The following ST7L variants were observed in gnomAD, a reference collection of about 807,000 sequenced individuals.
ST7L encodes suppression of tumorigenicity 7 like.
ST7L carries 57 observed loss-of-function variants against 72.5 expected under a neutral mutation model. The observed-to-expected ratio is 0.79, with a 90% confidence interval of 0.64 to 0.98. The LOEUF (loss-of-function observed/expected upper bound fraction) is 0.98. ST7L is among the 50% of genes least tolerant of loss of function. The pLI is 0.00. For synonymous variants in ST7L, 221 were observed against 240.9 expected, an observed-to-expected ratio of 0.92 and a Z score of 0.77; for missense variants, 576 against 672.2, an observed-to-expected ratio of 0.86 and a Z score of 1.58.
downstream of ST7L, chr1:112,521,183 T>C (rs990371368): frequency 1.3e-5 from 2 of 152,530 alleles, no homozygotes; most frequent in African/African-American, 4.8e-5. Context: ...ACTGCCTCTT[T>C]TGCTTACTTG....
chr1:112,608,183 A>C (rs749176364), intron 3 of ST7L, among the ~76,000 whole-genome samples: 1 of 151,960 alleles, frequency 6.6e-6, no homozygotes, highest in Admixed American at 6.6e-5. Flanking sequence ...ACTGTGCCCA[A>C]CTGATTTTAT....
At chr1:112,520,077 T>C (rs1652782371), downstream of ST7L, among the ~76,000 whole-genome samples, 1 of 150,880 alleles carries the variant, frequency 6.6e-6, no homozygotes, top group Non-Finnish European at 1.5e-5. Flanking sequence ...TTGCTATGTT[T>C]CCCAGGCTGG....
chr1:112,556,966 C>CAAAAAAAAATAAAAAAAACAA (rs1659235792), intron 11 of ST7L, among the ~76,000 whole-genome samples: 1 of 49,524 alleles, frequency 2.0e-5, no homozygotes, highest in Non-Finnish European at 4.1e-5. Context: ...GACTCTGTCT[C>CAAAAAAAAATAAAAAAAACAA]AAAAAAAAAA....
intron 6 of ST7L, among the ~76,000 whole-genome samples, chr1:112,586,309 T>C (rs12724928): frequency 0.19 from 29,528 of 152,044 alleles, 3,588 homozygotes; most frequent in East Asian, 0.46. Flanking sequence ...GGTGTGGTTG[T>C]GTGCACCTGT....
chr1:112,616,927 A>G, intron 1 of ST7L, 32 bp from the exon 2 acceptor site: 1 of 1,519,392 alleles, frequency 6.6e-7, no homozygotes, highest in Non-Finnish European at 9.0e-7. Flanking sequence ...AAGTTTTAAA[A>G]AATGCAAATT....
intron 11 of ST7L, among the ~76,000 whole-genome samples, chr1:112,567,200 G>C (rs569255989): frequency 6.6e-5 from 10 of 152,220 alleles, no homozygotes; most frequent in African/African-American, 2.4e-4. Context: ...CATAACTAAT[G>C]ATGTTGAACA....
At chr1:112,606,073 C>T (rs577594276) in intron 3 of ST7L, among the ~76,000 whole-genome samples, 15 of 152,284 alleles carry the variant, frequency 9.9e-5, no homozygotes, top group South Asian at 4.1e-4. Flanking sequence ...TGTGTTTGCT[C>T]GTGTAAACTC....
intron 3 of ST7L, 94 bp from the exon 4 acceptor site, chr1:112,600,942 G>A: frequency 9.6e-7 from 1 of 1,040,848 alleles, no homozygotes; most frequent in Non-Finnish European, 1.4e-6. Context: ...GCTAATCACA[G>A]TGCTAGCCAC....
rs566848349 is a variant in ST7L at position 112,574,115 on chromosome 1, C to T, written c.1245+2871G>A. ...TATTTTTAGTAGAGACAGGGTTTCACCATGCTGCCCTGGGTGGTCTTGAAC... is the reference window on the plus strand; with the variant it reads ...TATTTTTAGTAGAGACAGGGTTTCATCATGCTGCCCTGGGTGGTCTTGAAC... On this transcript the variant is annotated intron_variant, in intron 11 of 14. Coordinates refer to ENST00000358039, the MANE Select transcript of ST7L (RefSeq NM_017744.5). 2.7e-5 allele frequency among the ~76,000 whole-genome samples: 4 copies of T among 149,768 alleles called. No individual in the cohort carries two copies. The South Asian group carries it at 8.6e-4, about 32-fold the overall frequency.
Position 112,525,742 on chromosome 1 carries a change from G to A in ST7L, c.*271C>T. 1 of 321,926 alleles carries A rather than the reference G, an allele frequency of 3.1e-6. No homozygotes were observed. The highest frequency in any genetic ancestry group is 5.7e-6 in the Non-Finnish European group (1 of 175,468). The allele number at this position is 321,926 out of a possible 1,614,324, so 19.9% of individuals were successfully genotyped here. Reference sequence around the variant, plus strand: ...CGGTGACTTGACTTCAACCCCAACAGCCCCTGTAAGTAGCCCTGGCCAAAC... The same window carrying A: ...CGGTGACTTGACTTCAACCCCAACAACCCCTGTAAGTAGCCCTGGCCAAAC... On this transcript the variant is annotated 3_prime_UTR_variant, in exon 15 of 15. Transcript: ENST00000358039.
chr1:112,566,297 CTT>C (rs71084471), intron 11 of ST7L, among the ~76,000 whole-genome samples: 3 of 105,942 alleles, frequency 2.8e-5, no homozygotes, highest in East Asian at 2.9e-4. Flanking sequence ...TCTTCTTCTT[CTT>C]TTTTTTTTTT....
chr1:112,531,638 T>C (rs1654399938), intron 14 of ST7L, among the ~76,000 whole-genome samples: 3 of 152,184 alleles, frequency 2.0e-5, no homozygotes, highest in Non-Finnish European at 4.4e-5. Flanking sequence ...ATTGTGGCAA[T>C]AGCTTCCACC....
intron 2 of ST7L, among the ~76,000 whole-genome samples, chr1:112,611,563 A>G (rs1042753570): frequency 1.3e-5 from 2 of 152,234 alleles, no homozygotes; most frequent in Non-Finnish European, 2.9e-5. Context: ...ATAAAGGTTA[A>G]GGTCAAGTTG....
chr1:112,574,972 C>T (rs1021069614), intron 11 of ST7L, among the ~76,000 whole-genome samples: 2 of 152,150 alleles, frequency 1.3e-5, no homozygotes, highest in Non-Finnish European at 2.9e-5. Context: ...GGCGCGGTGG[C>T]TTATGCCTGT....
rs761146961 is a variant in ST7L, at chr1:112,617,715, T to TCACACACA, written c.206-821_206-820insTGTGTGTG. 8.9e-4 allele frequency among the ~76,000 whole-genome samples: 109 copies of TCACACACA among 123,130 alleles called. 1 individual carries two copies. Among genetic ancestry groups the TCACACACA allele is most frequent in the East Asian group, 4.8e-3 (16 of 3,362 alleles). 80.8% of individuals were successfully genotyped at this position (123,130 alleles called of 152,430 possible). ...GGGAGACTCTGTCTGTCTTTCTCTC[T>TCACACACA]CTCACACACACACACACACACACAC... On this transcript the variant is annotated intron_variant, in intron 1 of 14. Coordinates refer to ENST00000358039, the MANE Select transcript of ST7L (RefSeq NM_017744.5).
intron 2 of ST7L, 127 bp from the exon 3 acceptor site, chr1:112,611,130 A>G (rs577329491): frequency 1.4e-4 from 113 of 803,066 alleles, no homozygotes; most frequent in South Asian, 6.9e-4. Flanking sequence ...TCAAAAAGAA[A>G]AAAACATACA....
chr1:112,608,376 T>G (rs1207899474), intron 3 of ST7L, among the ~76,000 whole-genome samples: 1 of 152,100 alleles, frequency 6.6e-6, no homozygotes, highest in Non-Finnish European at 1.5e-5. Context: ...TTTGCGGCCC[T>G]CCCTCCAAGA....
chr1:112,607,804 T>C (rs1020671004), intron 3 of ST7L, among the ~76,000 whole-genome samples: 26 of 152,090 alleles, frequency 1.7e-4, no homozygotes, highest in Non-Finnish European at 3.2e-4. Flanking sequence ...TAGTTTCATT[T>C]TGGATGGAGT....
intron 6 of ST7L, among the ~76,000 whole-genome samples, chr1:112,589,151 G>A (rs1458965127): frequency 6.6e-6 from 1 of 151,784 alleles, no homozygotes; most frequent in African/African-American, 2.4e-5. Flanking sequence ...CATTATCATG[G>A]GTTCCTTTAC....
Sources: allele counts gnomAD v4.1 joint callset (sites outside exome capture counted in the v4.1 genomes callset), GRCh38; gene constraint gnomAD v4.1.1; transcripts MANE v1.5; gene names NCBI Gene and HGNC (gene_info 2026-07-23, HGNC 2026-07-21).